CACNA2D1: variants seen among roughly 807,000 people sequenced by gnomAD.
CACNA2D1 encodes the protein voltage-dependent calcium channel subunit alpha-2/delta-1.
CACNA2D1 carries 53 observed loss-of-function variants against 171.5 expected under a neutral mutation model. The ratio of observed to expected loss-of-function variants is 0.31; its 90% CI spans 0.25 to 0.39. The LOEUF (loss-of-function observed/expected upper bound fraction) is 0.39. CACNA2D1 is among the 10% of genes least tolerant of loss of function. The pLI, the probability that CACNA2D1 is intolerant of heterozygous loss-of-function variation, is 1.00. For missense variants in CACNA2D1, 903 were observed against 1,299.8 expected, an observed-to-expected ratio of 0.69 and a Z score of 4.69; for synonymous variants, 442 against 443.1, an observed-to-expected ratio of 1.00 and a Z score of 0.03.
chr7:82,433,974 T>C (rs963257956), intron 1 of CACNA2D1, among the ~76,000 whole-genome samples: 3 of 152,208 alleles, frequency 2.0e-5, no homozygotes, highest in Non-Finnish European at 4.4e-5. Flanking sequence ...ACACATCTTC[T>C]TTGGGAGGTT....
chr7:82,276,639 G>A (rs1809367207), intron 3 of CACNA2D1, among the ~76,000 whole-genome samples: 2 of 152,124 alleles, frequency 1.3e-5, no homozygotes, highest in Non-Finnish European at 2.9e-5. Context: ...TGCCATTTAA[G>A]TCAGCTTGTC....
At chr7:82,331,656 T>C (rs554388443) in intron 3 of CACNA2D1, among the ~76,000 whole-genome samples, 315 of 152,270 alleles carry the variant, frequency 2.1e-3, no homozygotes, top group African/African-American at 7.5e-3. Context: ...CTCACAAGAC[T>C]CAAATAATGC....
At chr7:81,987,583 G>A (rs1797100805) in intron 21 of CACNA2D1, among the ~76,000 whole-genome samples, 1 of 152,176 alleles carries the variant, frequency 6.6e-6, no homozygotes, top group African/African-American at 2.4e-5. Flanking sequence ...ATCACCAGAT[G>A]AAAATTTTGT....
At chr7:82,094,455 G>T (rs1563037922) in intron 6 of CACNA2D1, among the ~76,000 whole-genome samples, 1 of 152,034 alleles carries the variant, frequency 6.6e-6, no homozygotes, top group African/African-American at 2.4e-5. Flanking sequence ...CAGAGAGATG[G>T]ACATCTGTAT....
intron 4 of CACNA2D1, among the ~76,000 whole-genome samples, chr7:82,142,092 A>G (rs1210654215): frequency 6.6e-6 from 1 of 152,192 alleles, no homozygotes; most frequent in Non-Finnish European, 1.5e-5. Flanking sequence ...GTGCAGTATG[A>G]TAGAATAAAG....
chr7:81,957,013 T>G (rs1218887799), intron 38 of CACNA2D1, among the ~76,000 whole-genome samples: 1 of 152,112 alleles, frequency 6.6e-6, no homozygotes, highest in East Asian at 1.9e-4. Flanking sequence ...AATATTTCAA[T>G]AAGAATATTT....
rs757139187 is a variant in CACNA2D1 at position 82,349,699 on chromosome 7, AG to A, written c.96-51del. 14 of 1,357,904 alleles carry A rather than the reference AG, an allele frequency of 1.0e-5. No homozygotes were observed. The East Asian group carries it at 3.2e-4, about 31-fold the overall frequency. 84.1% of individuals were successfully genotyped at this position (1,357,904 alleles called of 1,614,324 possible). ...TTCTATCAGATCTCTGGCAAATAAAAGTCACATGCTGATATTTTATATCCAC... is the reference window on the plus strand; with the variant it reads ...TTCTATCAGATCTCTGGCAAATAAAATCACATGCTGATATTTTATATCCAC... On this transcript the variant is annotated intron_variant, in intron 1 of 38. Coordinates refer to ENST00000356860, the MANE Select transcript of CACNA2D1 (RefSeq NM_000722.4).
chr7:82,185,923 T>C (rs975932531), intron 3 of CACNA2D1, among the ~76,000 whole-genome samples: 3 of 151,730 alleles, frequency 2.0e-5, no homozygotes, highest in African/African-American at 7.3e-5. Context: ...TTGGGAGGCC[T>C]AGGCAGGCGG....
chr7:82,010,818 C>T (rs146047029), intron 15 of CACNA2D1, among the ~76,000 whole-genome samples: 45 of 152,200 alleles, frequency 3.0e-4, no homozygotes, highest in Middle Eastern at 3.4e-3. Flanking sequence ...GCATTTTGCC[C>T]TATGGGTTCA....
chr7:82,050,756 C>A lies in CACNA2D1; in HGVS notation c.879+9672G>T, dbSNP rs1474955533. The A allele has an allele frequency of 4.6e-6, 3 of 650,584 alleles. No individual in the cohort carries two copies. The South Asian group carries it at 5.1e-5, about 11-fold the overall frequency. The allele number at this position is 650,584 out of a possible 1,614,324, so 40.3% of individuals were successfully genotyped here. A position where few individuals can be genotyped will look rare whatever the true frequency, so the allele number is the denominator to read the frequency against. ...GAAGATGACACTAAATAACAATAAT[C>A]ATCATCATAATACATGATTACAATA... is the stretch of plus-strand genomic sequence containing the variant. On this transcript the variant is annotated intron_variant, in intron 10 of 38. Coordinates refer to ENST00000356860, the MANE Select transcript of CACNA2D1 (RefSeq NM_000722.4).
At position 82,368,617 on chromosome 7, in the gene CACNA2D1, G is replaced by A. The variant is rs182010066; in HGVS notation, c.96-18968C>T. Among the ~76,000 whole-genome samples, 251 of 152,136 alleles carry A rather than the reference G, an allele frequency of 1.6e-3. 1 individual carries two copies. The highest frequency in any genetic ancestry group is 5.9e-3 in the African/African-American group (246 of 41,508). ...TTTAATCTAACCTCAATTTCCCAGA[G>A]TTGCTAAGAGACTAGAATTCTATTA... is the stretch of plus-strand genomic sequence containing the variant. On this transcript the variant is annotated intron_variant, in intron 1 of 38. Transcript: ENST00000356860.
intron 3 of CACNA2D1, among the ~76,000 whole-genome samples, chr7:82,253,891 C>A (rs1212391927): frequency 3.3e-5 from 5 of 152,070 alleles, no homozygotes; most frequent in African/African-American, 1.2e-4. Flanking sequence ...GAAATAAACT[C>A]TTTTGTTTTC....
At chr7:82,398,039 C>A (rs1203823581) in intron 1 of CACNA2D1, among the ~76,000 whole-genome samples, 1 of 152,172 alleles carries the variant, frequency 6.6e-6, no homozygotes, top group Non-Finnish European at 1.5e-5. Flanking sequence ...AAGAATGAGG[C>A]TTCATAGACA....
intron 1 of CACNA2D1, 58 bp downstream of exon 1, chr7:82,443,307 A>G (rs1462249055): frequency 2.9e-6 from 4 of 1,394,470 alleles, no homozygotes; most frequent in Non-Finnish European, 3.9e-6. Context: ...ACCGACCCCC[A>G]CCCCCAACTC....
intron 6 of CACNA2D1, among the ~76,000 whole-genome samples, chr7:82,115,454 A>G (rs1242803721): frequency 6.6e-6 from 1 of 152,180 alleles, no homozygotes; most frequent in East Asian, 1.9e-4. Flanking sequence ...AGGGCTTGGA[A>G]TTAATAGTCT....
intron 1 of CACNA2D1, among the ~76,000 whole-genome samples, chr7:82,356,093 T>C (rs1180396229): frequency 1.3e-5 from 2 of 152,158 alleles, no homozygotes; most frequent in Admixed American, 1.3e-4. Flanking sequence ...AACACAGAGC[T>C]AATAGCCAAA....
chr7:82,034,515 C>T (rs532048766), intron 11 of CACNA2D1, among the ~76,000 whole-genome samples: 1 of 152,130 alleles, frequency 6.6e-6, no homozygotes, highest in Admixed American at 6.6e-5. Context: ...TTGTCACTTT[C>T]AACATGGCTG....
intron 1 of CACNA2D1, among the ~76,000 whole-genome samples, chr7:82,371,964 TA>T (rs1355384338): frequency 2.0e-5 from 3 of 152,160 alleles, no homozygotes; most frequent in African/African-American, 4.8e-5. Flanking sequence ...GATGAGACTT[TA>T]AAAAAACTTT....
In CACNA2D1 at chr7:82,256,631, T is replaced by C. The variant is rs114512069; in HGVS notation, c.294+78504A>G. On this transcript the variant is annotated intron_variant, in intron 3 of 38. Coordinates refer to ENST00000356860, the MANE Select transcript of CACNA2D1 (RefSeq NM_000722.4). ...GAATGGTAATACAGAATTATGAGAATTGTTTTTAAAGTATATTTGAATCTT... is the reference window on the plus strand; with the variant it reads ...GAATGGTAATACAGAATTATGAGAACTGTTTTTAAAGTATATTTGAATCTT... Among the ~76,000 whole-genome samples the C allele has an allele frequency of 3.5e-3, 537 of 152,272 alleles. 4 individuals carry two copies. The highest frequency in any genetic ancestry group is 0.012 in the African/African-American group (506 of 41,552).
Sources: allele counts gnomAD v4.1 joint callset (sites outside exome capture counted in the v4.1 genomes callset), GRCh38; gene constraint gnomAD v4.1.1; transcripts MANE v1.5; gene names NCBI Gene and HGNC (gene_info 2026-07-23, HGNC 2026-07-21).